The following ATG7 variants were observed in gnomAD, a reference collection of about 807,000 sequenced individuals.
The protein encoded by ATG7 is autophagy related 7.
ATG7 carries 70 observed loss-of-function variants against 82.4 expected under a neutral mutation model. The observed-to-expected ratio is 0.85, with a 90% CI of 0.70 to 1.04. ATG7 has a LOEUF of 1.04. Among genes scored for constraint, ATG7 ranks in the 50% least tolerant of loss-of-function variants. The pLI, the probability that ATG7 is intolerant of heterozygous loss-of-function variation, is 0.00. For synonymous variants in ATG7, 287 were observed against 313.0 expected (o/e 0.92, Z 0.88); for missense variants, 792 against 864.3 (o/e 0.92, Z 1.05).
intron 20 of ATG7, among the ~76,000 whole-genome samples, chr3:11,467,568 G>GT (rs2086965567): frequency 6.6e-6 from 1 of 152,112 alleles, no homozygotes; most frequent in Non-Finnish European, 1.5e-5. Context: ...TAGAGGCGGG[G>GT]TTTCACCATG....
intron 20 of ATG7, among the ~76,000 whole-genome samples, chr3:11,447,689 A>G (rs2084709079): frequency 6.6e-6 from 1 of 152,148 alleles, no homozygotes; most frequent in African/African-American, 2.4e-5. Context: ...TTCTTACATT[A>G]AGAAATCTTT....
At chr3:11,529,922 A>G (rs566360158) in intron 20 of ATG7, among the ~76,000 whole-genome samples, 1 of 152,226 alleles carries the variant, frequency 6.6e-6, no homozygotes, top group East Asian at 1.9e-4. Flanking sequence ...AGCATGACCC[A>G]TCTGCACCAC....
intron 19 of ATG7, among the ~76,000 whole-genome samples, chr3:11,419,727 G>A (rs1016119404): frequency 6.6e-6 from 1 of 152,176 alleles, no homozygotes; most frequent in African/African-American, 2.4e-5. Flanking sequence ...AGATAGGTTT[G>A]ATATAGTAAA....
intron 9 of ATG7, among the ~76,000 whole-genome samples, chr3:11,316,277 C>T (rs897741724): frequency 6.6e-6 from 1 of 152,204 alleles, no homozygotes; most frequent in Non-Finnish European, 1.5e-5. Flanking sequence ...AGCTGCCTTT[C>T]CTGCCTTATC....
At chr3:11,364,759 C>A in intron 18 of ATG7, 25 bp downstream of exon 18, 1 of 1,612,374 alleles carries the variant, frequency 6.2e-7, no homozygotes, top group Non-Finnish European at 8.5e-7. Flanking sequence ...AGTGAAATCA[C>A]AATTCTTTTG....
rs1359789693 is a variant in ATG7, at chr3:11,391,475, T to C, written c.1956+11423T>C. ...TAAATCTTGGGAGAGTTTTCTTGTC[T>C]GTGTTCCCTCTGAATTTCTCTGTGC... On this transcript the variant is annotated intron_variant, in intron 19 of 20. Coordinates refer to ENST00000693202, the MANE Select transcript of ATG7 (RefSeq NM_001349232.2). 3.9e-5 allele frequency among the ~76,000 whole-genome samples: 6 copies of C among 152,174 alleles called. No individual in the cohort carries two copies. The East Asian group carries it at 1.2e-3, about 29-fold the overall frequency.
At chr3:11,447,450 G>C (rs191508199) in intron 20 of ATG7, among the ~76,000 whole-genome samples, 1 of 150,686 alleles carries the variant, frequency 6.6e-6, no homozygotes, top group African/African-American at 2.4e-5. Context: ...CCGGGCAACA[G>C]TGCAAGACTC....
At chr3:11,273,277 A>AT (rs1165274033) in intron 1 of ATG7, among the ~76,000 whole-genome samples, 1 of 152,042 alleles carries the variant, frequency 6.6e-6, no homozygotes, top group Non-Finnish European at 1.5e-5. Flanking sequence ...GACTACTTAG[A>AT]TTTTTTTCTC....
chr3:11,387,824 G>T (rs1198230923), intron 19 of ATG7, among the ~76,000 whole-genome samples: 1 of 152,164 alleles, frequency 6.6e-6, no homozygotes, highest in Non-Finnish European at 1.5e-5. Context: ...CAAAAAATTA[G>T]CCAGGCGTGG....
intron 3 of ATG7, among the ~76,000 whole-genome samples, chr3:11,284,900 G>A (rs1943700875): frequency 6.8e-6 from 1 of 147,792 alleles, no homozygotes. Context: ...AGGCTGGAGT[G>A]CAGGTGCGCA....
intron 9 of ATG7, among the ~76,000 whole-genome samples, chr3:11,330,441 C>T (rs182761229): frequency 1.1e-4 from 16 of 152,266 alleles, no homozygotes; most frequent in Admixed American, 9.2e-4. Context: ...ACAAATTGTT[C>T]CAGCCTTGGC....
intron 7 of ATG7, among the ~76,000 whole-genome samples, chr3:11,311,610 A>G (rs1403724125): frequency 2.0e-5 from 3 of 152,080 alleles, no homozygotes; most frequent in African/African-American, 7.2e-5. Context: ...CTCCAAAAAA[A>G]AAAAAAAAAA....
At chr3:11,289,889 A>G (rs1944686333) in intron 3 of ATG7, among the ~76,000 whole-genome samples, 1 of 152,016 alleles carries the variant, frequency 6.6e-6, no homozygotes, top group Non-Finnish European at 1.5e-5. Context: ...AAAGTAGTTT[A>G]TTTGTTCTGT....
rs567515945 is a variant in ATG7 at position 11,295,697 on chromosome 3, G to A, written c.-10-2989G>A. On this transcript the variant is annotated intron_variant, in intron 3 of 20. Transcript: ENST00000693202. ...TCTCAAAGTTTTTTTACTGCTTAGA[G>A]TTGGTAGATATATGTACTGTCCTGG... 6.6e-4 allele frequency among the ~76,000 whole-genome samples: 101 copies of A among 151,936 alleles called. 1 individual carries two copies. In the South Asian group the frequency reaches 0.017, roughly 26 times the overall value.
chr3:11,289,110 A>G (rs1256233239), intron 3 of ATG7, among the ~76,000 whole-genome samples: 1 of 152,180 alleles, frequency 6.6e-6, no homozygotes, highest in Admixed American at 6.5e-5. Flanking sequence ...TCTTTCCTTG[A>G]CTGTGTCTGA....
intron 19 of ATG7, among the ~76,000 whole-genome samples, chr3:11,416,932 T>C (rs1415718762): frequency 6.6e-6 from 1 of 152,258 alleles, no homozygotes; most frequent in African/African-American, 2.4e-5. Flanking sequence ...ATTTTAAATT[T>C]ATCTTGAGAT....
chr3:11,431,608 AT>A (rs1263501619), intron 20 of ATG7, among the ~76,000 whole-genome samples: 1 of 151,950 alleles, frequency 6.6e-6, no homozygotes, highest in Non-Finnish European at 1.5e-5. Flanking sequence ...GTCTGTAAGG[AT>A]TTTTCTATTC....
chr3:11,324,089 A>G (rs1271457213), intron 9 of ATG7, among the ~76,000 whole-genome samples: 2 of 152,202 alleles, frequency 1.3e-5, no homozygotes, highest in Non-Finnish European at 1.5e-5. Context: ...GTAGAAAGGA[A>G]CATTTATTTC....
intron 7 of ATG7, among the ~76,000 whole-genome samples, chr3:11,311,436 T>C (rs371087797): frequency 6.6e-6 from 1 of 151,644 alleles, no homozygotes; most frequent in African/African-American, 2.4e-5. Context: ...AAACCCCGTA[T>C]CTACTAAAAT....
Sources: gnomAD v4.1 joint callset for allele counts (sites outside exome capture counted in the v4.1 genomes callset) on GRCh38, gnomAD v4.1.1 for gene constraint, MANE v1.5 for transcripts, NCBI Gene and HGNC (gene_info 2026-07-23, HGNC 2026-07-21) for gene names.